The following GPR83 variants were observed in gnomAD, a reference collection of about 807,000 sequenced individuals.
The protein encoded by GPR83 is G-protein coupled receptor 72.
A neutral mutation model predicts 28.0 loss-of-function variants in GPR83; 23 were observed. The ratio of observed to expected loss-of-function variants is 0.82; its 90% CI spans 0.59 to 1.16. The LOEUF is 1.16. Ranked by LOEUF, GPR83 falls within the 50% of genes most tolerant of loss-of-function variation. GPR83 has a pLI of 0.00. For missense variants in GPR83, 610 were observed against 536.6 expected (o/e 1.14, Z -1.35); for synonymous variants, 234 against 215.4 (o/e 1.09, Z -0.76).
intron 3 of GPR83, among the ~76,000 whole-genome samples, chr11:94,387,813 C>A (rs953260788): frequency 2.6e-5 from 4 of 152,190 alleles, no homozygotes; most frequent in Non-Finnish European, 5.9e-5. Flanking sequence ...AGGGAATCCT[C>A]CCTAACTCAT....
rs776024097 is a variant in GPR83, at chr11:94,401,031, G to A, written c.217C>T (p.Leu73=). Residue 73 remains leucine, a synonymous_variant, in exon 1 of 4, where the codon CTG becomes TTG. Coordinates refer to ENST00000243673, the MANE Select transcript of GPR83 (RefSeq NM_016540.4). ...ATGAAGGAGTAAGCCACAATGAGCA[G>A]GGCTTTCACCGTGGGGTTCTGGGAC... ...AESQNPTVKA[L]LIVAYSFIIV... is the part of the protein sequence containing the mutation. The A allele has an allele frequency of 3.1e-5, 50 of 1,613,992 alleles. No homozygotes were observed. In the Admixed American group the frequency reaches 8.2e-4, roughly 26 times the overall value.
intron 1 of GPR83, among the ~76,000 whole-genome samples, chr11:94,397,588 C>T (rs946148485): frequency 1.3e-5 from 2 of 152,192 alleles, no homozygotes; most frequent in African/African-American, 4.8e-5. Context: ...CCTCTGAGCC[C>T]CACTTTCCTC....
At chr11:94,389,502 G>A (rs963721564) in intron 3 of GPR83, among the ~76,000 whole-genome samples, 6 of 152,160 alleles carry the variant, frequency 3.9e-5, no homozygotes, top group African/African-American at 1.4e-4. Flanking sequence ...ATCAACAAGT[G>A]GGCGAAGGAT....
At chr11:94,382,662 T>C (rs974500896) in intron 3 of GPR83, among the ~76,000 whole-genome samples, 1 of 152,160 alleles carries the variant, frequency 6.6e-6, no homozygotes, top group African/African-American at 2.4e-5. Context: ...GCACTTGAAC[T>C]CAGCTCTCGA....
intron 3 of GPR83, among the ~76,000 whole-genome samples, chr11:94,392,154 T>C (rs1203483340): frequency 6.6e-6 from 1 of 152,068 alleles, no homozygotes; most frequent in Non-Finnish European, 1.5e-5. Flanking sequence ...TAAAAAAGGA[T>C]GAGTTCATGT....
At chr11:94,387,682 A>G (rs572067970) in intron 3 of GPR83, among the ~76,000 whole-genome samples, 5 of 152,300 alleles carry the variant, frequency 3.3e-5, no homozygotes, top group African/African-American at 1.2e-4. Flanking sequence ...GGAGGCAATA[A>G]TTAATAGCCT....
At chr11:94,396,830 G>A (rs1016493149) in intron 1 of GPR83, among the ~76,000 whole-genome samples, 2 of 148,114 alleles carry the variant, frequency 1.4e-5, no homozygotes, top group Non-Finnish European at 3.0e-5. Context: ...GAGGGCTTGG[G>A]CAAGATAGGT....
At position 94,379,761 on chromosome 11, in the gene GPR83, C is replaced by A. The variant is rs1455178316; in HGVS notation, c.*388G>T. Reference sequence around the variant, plus strand: ...AGCTCTGTGCATCTGGGTCACCACACCCAAAGTATGATTTAGGTCTCCCTT... The same window carrying A: ...AGCTCTGTGCATCTGGGTCACCACAACCAAAGTATGATTTAGGTCTCCCTT... On this transcript the variant is annotated 3_prime_UTR_variant, in exon 4 of 4. Coordinates refer to ENST00000243673, the MANE Select transcript of GPR83 (RefSeq NM_016540.4). 1 of 160,972 alleles carries A rather than the reference C, an allele frequency of 6.2e-6. No individual in the cohort carries two copies. The highest frequency in any genetic ancestry group is 1.4e-5 in the Non-Finnish European group (1 of 73,958). The allele number at this position is 160,972 out of a possible 1,614,324, so 10.0% of individuals were successfully genotyped here.
Position 94,401,411 on chromosome 11 carries a change from G to C in GPR83, c.-164C>G, listed in dbSNP as rs1219902581. 3 of 565,052 alleles carry C rather than the reference G, an allele frequency of 5.3e-6. No homozygotes were observed. The highest frequency in any genetic ancestry group is 2.0e-5 in the African/African-American group (1 of 49,828). 35.0% of individuals were successfully genotyped at this position (565,052 alleles called of 1,614,324 possible). On this transcript the variant is annotated 5_prime_UTR_variant, in exon 1 of 4. Coordinates refer to ENST00000243673, the MANE Select transcript of GPR83 (RefSeq NM_016540.4). ...ACCGCGCCGCCCGCCACCAGCCCGCGGTCGGCACGCCAGCTCCGGGTTTGT... is the reference window on the plus strand; with the variant it reads ...ACCGCGCCGCCCGCCACCAGCCCGCCGTCGGCACGCCAGCTCCGGGTTTGT...
At chr11:94,397,476 C>G (rs1944877350) in intron 1 of GPR83, among the ~76,000 whole-genome samples, 1 of 152,182 alleles carries the variant, frequency 6.6e-6, no homozygotes, top group Admixed American at 6.5e-5. Flanking sequence ...GGCACAGAGG[C>G]ATAGAAATAG....
chr11:94,384,185 G>A lies in GPR83; in HGVS notation c.648-3412C>T, dbSNP rs560185946. Among the ~76,000 whole-genome samples the A allele has an allele frequency of 3.9e-5, 6 of 152,184 alleles. No individual in the cohort carries two copies. The South Asian group carries it at 1.0e-3, about 26-fold the overall frequency. ...GGGATGCAAGGCTGGTTCAACATAT[G>A]CAAATCAATAAATACAATGTATCAC... On this transcript the variant is annotated intron_variant, in intron 3 of 3. Coordinates refer to ENST00000243673, the MANE Select transcript of GPR83 (RefSeq NM_016540.4).
At chr11:94,396,357 C>A (rs371870770) in intron 2 of GPR83, 42 bp downstream of exon 2, 11 of 1,592,696 alleles carry the variant, frequency 6.9e-6, no homozygotes, top group East Asian at 2.3e-5. Flanking sequence ...GAAAGGGAAG[C>A]AAGAGAGGGA....
chr11:94,399,149 C>A (rs899467644), intron 1 of GPR83, among the ~76,000 whole-genome samples: 21 of 152,152 alleles, frequency 1.4e-4, no homozygotes, highest in Non-Finnish European at 2.5e-4. Flanking sequence ...TAGCACAGCC[C>A]AACCGTACCA....
rs777329987 is a variant in GPR83 at position 94,401,180 on chromosome 11, C to G, written c.68G>C (p.Arg23Pro). ...LVRATEPHEG[R>P]ADEQSAEAAL... ...CGCCTCCGCGCTCTGCTCGTCGGCC[C>G]GGCCCTCGTGGGGCTCGGTGGCTCG... Residue 23 changes from arginine to proline, a missense_variant, in exon 1 of 4, where the codon CGG becomes CCG. Arg to Pro is a moderately radical substitution (Grantham distance 103). Transcript: ENST00000243673. The G allele has an allele frequency of 3.4e-5, 55 of 1,613,552 alleles. No individual in the cohort carries two copies. In the East Asian group the frequency reaches 1.2e-3, roughly 36 times the overall value.
chr11:94,380,489 T>C lies in GPR83; in HGVS notation c.932A>G (p.Tyr311Cys), dbSNP rs2134680117. The C allele has an allele frequency of 6.2e-7, 1 of 1,614,154 alleles. No homozygotes were observed. Among genetic ancestry groups the C allele is most frequent in the African/African-American group, 1.3e-5 (1 of 75,054 alleles). ...FALCWFPLNC[Y>C]VLLLSSKVIR... Reference sequence around the variant, plus strand: ...GACCTTGCTGGACAGGAGGAGGACGTAGCAGTTGAGGGGGAACCAGCAGAG... The same window carrying C: ...GACCTTGCTGGACAGGAGGAGGACGCAGCAGTTGAGGGGGAACCAGCAGAG... The change falls in exon 4 of 4, where the codon TAC (tyrosine) becomes TGC (cysteine). Residue 311 changes from tyrosine to cysteine, a missense_variant. Physicochemically the swap from Tyr to Cys is radical, Grantham distance 194 (BLOSUM62 -2). Transcript: ENST00000243673.
At chr11:94,387,260 T>G (rs1944768764) in intron 3 of GPR83, among the ~76,000 whole-genome samples, 1 of 152,060 alleles carries the variant, frequency 6.6e-6, no homozygotes, top group African/African-American at 2.4e-5. Context: ...ACATCACAAT[T>G]AAAAGAACAA....
intron 3 of GPR83, among the ~76,000 whole-genome samples, chr11:94,381,939 G>C (rs1944694376): frequency 6.6e-6 from 1 of 152,122 alleles, no homozygotes; most frequent in Non-Finnish European, 1.5e-5. Context: ...GTCTCTCCCT[G>C]GTCTCTGTCC....
In GPR83 at chr11:94,401,155, C is replaced by G; in HGVS notation, c.93G>C (p.Ala31=). The change falls in exon 1 of 4, where the codon GCG becomes GCC. Residue 31 remains alanine, a synonymous_variant. Transcript: ENST00000243673. ...EGRADEQSAE[A]ALAVPNASHF... ...GCGAGGCATTGGGCACGGCCAGGGC[C>G]GCCTCCGCGCTCTGCTCGTCGGCCC... The G allele has an allele frequency of 6.2e-7, 1 of 1,614,068 alleles. No individual in the cohort carries two copies.
At position 94,380,716 on chromosome 11, in the gene GPR83, G is replaced by A. The variant is rs753879163; in HGVS notation, c.705C>T (p.Phe235=). The stretch of plus-strand genomic sequence containing the variant: ...AGGTGGCCAAGTCCAGGTACTTCCA[G>A]AAGAGGTCAGCTGGCTCAGGGAAGT... ...LPDFPEPADL[F]WKYLDLATFI... The change falls in exon 4 of 4, where the codon TTC becomes TTT. Residue 235 remains phenylalanine (F), a synonymous_variant. Transcript: ENST00000243673. 1 of 1,612,986 alleles carries A rather than the reference G, an allele frequency of 6.2e-7. No homozygotes were observed. Among genetic ancestry groups the A allele is most frequent in the African/African-American group, 1.3e-5 (1 of 74,972 alleles).
Sources: allele counts gnomAD v4.1 joint callset (sites outside exome capture counted in the v4.1 genomes callset), GRCh38; gene constraint gnomAD v4.1.1; transcripts MANE v1.5; gene names NCBI Gene and HGNC (gene_info 2026-07-23, HGNC 2026-07-21).